The following TTC3 variants were observed in gnomAD, a reference collection of about 807,000 sequenced individuals.
TTC3 encodes E3 ubiquitin-protein ligase TTC3.
In TTC3, 180 loss-of-function variants were observed where a neutral mutation model predicts 249.6. The ratio of observed to expected loss-of-function variants is 0.72; its 90% CI spans 0.64 to 0.82. The LOEUF is 0.82. TTC3 is among the 40% of genes least tolerant of loss of function. The pLI is 0.00. For missense variants in TTC3, 2,061 were observed against 2,398.4 expected (o/e 0.86, Z 2.94); for synonymous variants, 717 against 805.0 (o/e 0.89, Z 1.85).
chr21:37,084,776 C>G (rs1484558928), intron 1 of TTC3, among the ~76,000 whole-genome samples: 2 of 152,164 alleles, frequency 1.3e-5, no homozygotes, highest in African/African-American at 4.8e-5. Context: ...GGGCGGATCA[C>G]AAGGTCAGGA....
chr21:37,129,140 C>T lies in TTC3; in HGVS notation c.1358+77C>T, dbSNP rs973920190. 59 of 964,560 alleles carry T rather than the reference C, an allele frequency of 6.1e-5. 1 individual carries two copies. The African/African-American group carries it at 7.7e-4, about 13-fold the overall frequency. 59.8% of individuals were successfully genotyped at this position (964,560 alleles called of 1,614,324 possible). On this transcript the variant is annotated intron_variant, in intron 16 of 45. Transcript: ENST00000355666. ...AGAAAAAGGAAAAAAAATTGTTTTT[C>T]GAGTATTAGCTACTTTAATGTATGT...
intron 20 of TTC3, 105 bp downstream of exon 20, chr21:37,140,778 C>A: frequency 3.0e-6 from 2 of 670,140 alleles, no homozygotes; most frequent in South Asian, 2.6e-5. Flanking sequence ...TCCTCTGTAG[C>A]ACACTATCAT....
intron 11 of TTC3, among the ~76,000 whole-genome samples, chr21:37,117,228 T>A (rs1222230654): frequency 6.6e-6 from 1 of 152,150 alleles, no homozygotes; most frequent in African/African-American, 2.4e-5. Context: ...ATTGTAAAAT[T>A]CCCCAGGTGG....
At chr21:37,199,133 GGA>G (rs2085242895) in intron 44 of TTC3, among the ~76,000 whole-genome samples, 1 of 152,126 alleles carries the variant, frequency 6.6e-6, no homozygotes, top group Non-Finnish European at 1.5e-5. Flanking sequence ...TCATGCCTTG[GGA>G]GAGACAGCAA....
intron 31 of TTC3, among the ~76,000 whole-genome samples, chr21:37,162,923 G>A (rs1017777518): frequency 3.3e-5 from 5 of 152,108 alleles, no homozygotes; most frequent in African/African-American, 1.2e-4. Context: ...AAGGGACAAG[G>A]CAACTCTCTG....
chr21:37,178,354 C>T (rs556544460), intron 35 of TTC3, among the ~76,000 whole-genome samples: 57 of 152,256 alleles, frequency 3.7e-4, no homozygotes, highest in Admixed American at 3.1e-3. Context: ...AATTGCTGAT[C>T]ATATGGCAAT....
intron 42 of TTC3, among the ~76,000 whole-genome samples, chr21:37,196,261 G>C (rs1438990834): frequency 7.5e-6 from 1 of 133,970 alleles, no homozygotes; most frequent in Non-Finnish European, 1.5e-5. Context: ...TTTTGAGACA[G>C]AGTCTCACTC....
At position 37,095,137 on chromosome 21, in the gene TTC3, ATGTG is replaced by A. The variant is rs57682889; in HGVS notation, c.688-189_688-186del. ...GGTGACAGACCCTGTCTCTAAAAAT[ATGTG>A]TGTGTGTGTGTGTGTGTGTGTGTAT... On this transcript the variant is annotated intron_variant, in intron 8 of 45. Coordinates refer to ENST00000355666, the Ensembl canonical transcript of TTC3. Among the ~76,000 whole-genome samples the A allele has an allele frequency of 6.2e-4, 91 of 147,596 alleles. 2 individuals are homozygous for A. The highest frequency in any genetic ancestry group is 1.2e-3 in the East Asian group (6 of 5,010).
rs150840560 is a variant in TTC3, at chr21:37,111,282, C to T, written c.900+2836C>T. 4.8e-3 allele frequency among the ~76,000 whole-genome samples: 729 copies of T among 152,180 alleles called. 9 individuals carry two copies. The highest frequency in any genetic ancestry group is 0.017 in the African/African-American group (694 of 41,520). On this transcript the variant is annotated intron_variant, in intron 11 of 45. Coordinates refer to ENST00000355666, the Ensembl canonical transcript of TTC3. The stretch of plus-strand genomic sequence containing the variant: ...GGCATATTGGATAAAGAGTCAAGAC[C>T]GATCAGTGTGCTGTATTCAGGAAAC...
intron 42 of TTC3, among the ~76,000 whole-genome samples, chr21:37,197,346 C>T (rs1179963544): frequency 1.3e-5 from 2 of 151,796 alleles, no homozygotes; most frequent in African/African-American, 2.4e-5. Flanking sequence ...AGGGATCGCG[C>T]CACTGCCCTC....
At chr21:37,162,911 G>A (rs1335521372) in intron 31 of TTC3, among the ~76,000 whole-genome samples, 1 of 152,088 alleles carries the variant, frequency 6.6e-6, no homozygotes, top group Non-Finnish European at 1.5e-5. Flanking sequence ...TTCTCATGGT[G>A]GAAGGGACAA....
At chr21:37,144,583 G>A (rs1441852010) in exon 21 of TTC3, 1 of 1,612,376 alleles carries the variant, frequency 6.2e-7, no homozygotes, top group East Asian at 2.2e-5. Context: ...TCGTCTTCCT[G>A]GAGTGTTAAC....
chr21:37,195,528 G>A lies in TTC3; in HGVS notation c.5218-147G>A, dbSNP rs138900058. 2.2e-5 allele frequency: 26 copies of A among 1,161,116 alleles called. No individual in the cohort carries two copies. The East Asian group carries it at 3.8e-4, about 17-fold the overall frequency. The allele number at this position is 1,161,116 out of a possible 1,614,324, so 71.9% of individuals were successfully genotyped here. ...TTATTGTCAAGAATTCTTTTAAAAC[G>A]AAAATATTTAATTCATGGTATTCAG... On this transcript the variant is annotated intron_variant, in intron 41 of 45. Transcript: ENST00000355666.
chr21:37,132,739 T>A, exon 17 of TTC3: 1 of 1,608,522 alleles, frequency 6.2e-7, no homozygotes, highest in East Asian at 2.2e-5. Flanking sequence ...AGAAACAGTT[T>A]TCTAAATCTT....
chr21:37,127,917 C>G lies in TTC3; in HGVS notation c.1298-1086C>G, dbSNP rs551219580. Among the ~76,000 whole-genome samples the G allele has an allele frequency of 5.5e-4, 84 of 152,266 alleles. 1 individual carries two copies. Among genetic ancestry groups the G allele is most frequent in the African/African-American group, 1.9e-3 (80 of 41,552 alleles). On this transcript the variant is annotated intron_variant, in intron 15 of 45. Transcript: ENST00000355666. ...GCAGTTCCAACAGCATATAAAACAT[C>G]TTTGAGGATAAAACTTTTTTTTGGA...
chr21:37,199,182 G>C (rs539682853), intron 44 of TTC3, among the ~76,000 whole-genome samples: 1 of 152,134 alleles, frequency 6.6e-6, no homozygotes, highest in East Asian at 1.9e-4. Flanking sequence ...CTCAGCCTTG[G>C]GGTGATGCCT....
chr21:37,126,045 T>G (rs767788389), intron 14 of TTC3, 35 bp from the exon 15 acceptor site: 3 of 1,575,118 alleles, frequency 1.9e-6, no homozygotes, highest in East Asian at 2.2e-5. Context: ...TGGGTTGTTT[T>G]TTTTTTTTTT....
chr21:37,189,994 C>T (rs1569181771), intron 39 of TTC3, among the ~76,000 whole-genome samples: 1 of 152,130 alleles, frequency 6.6e-6, no homozygotes, highest in Non-Finnish European at 1.5e-5. Context: ...ATGTTCTATA[C>T]ACAGATTTTG....
chr21:37,201,031 C>T (rs559387427), intron 45 of TTC3, among the ~76,000 whole-genome samples: 7 of 152,188 alleles, frequency 4.6e-5, no homozygotes, highest in African/African-American at 9.7e-5. Flanking sequence ...AGGAGTGTGG[C>T]GTGCAGGCTG....
Sources: gnomAD v4.1 joint callset for allele counts (sites outside exome capture counted in the v4.1 genomes callset) on GRCh38, gnomAD v4.1.1 for gene constraint, MANE v1.5 for transcripts, NCBI Gene and HGNC (gene_info 2026-07-23, HGNC 2026-07-21) for gene names.